The following GDAP1 variants were observed in gnomAD, a reference collection of about 807,000 sequenced individuals.
The protein encoded by GDAP1 is ganglioside-induced differentiation-associated protein 1.
In GDAP1, 34 loss-of-function variants were observed where a neutral mutation model predicts 40.1. The ratio of observed to expected loss-of-function variants is 0.85; its 90% CI spans 0.64 to 1.13. GDAP1 has a LOEUF of 1.13. GDAP1 is among the 50% of genes most tolerant of loss of function. The pLI, the probability that GDAP1 is intolerant of heterozygous loss-of-function variation, is 0.00. For missense variants in GDAP1, 374 were observed against 433.7 expected (o/e 0.86, Z 1.22); for synonymous variants, 170 against 157.4 (o/e 1.08, Z -0.60).
rs1167735429 is a variant in GDAP1, at chr8:74,457,969, TATG to T, written c.166-30706_166-30704del. On this transcript the variant is annotated intron_variant, in intron 2 of 2. Coordinates refer to the GDAP1 transcript ENST00000523640. ...GAAGTAGTGTACTACTTATATGACT[TATG>T]ATAATTCTTTCTTCAAATGATAACA... 2.0e-5 allele frequency among the ~76,000 whole-genome samples: 3 copies of T among 152,170 alleles called. 1 individual carries two copies. The highest frequency in any genetic ancestry group is 2.9e-5 in the Non-Finnish European group (2 of 68,012).
At chr8:74,355,794 C>A (rs183911465) in intron 2 of GDAP1, among the ~76,000 whole-genome samples, 2 of 152,086 alleles carry the variant, frequency 1.3e-5, no homozygotes, top group Non-Finnish European at 2.9e-5. Flanking sequence ...TGTAACAGTT[C>A]TCTGAACATC....
chr8:74,417,395 A>G (rs1258617091), intron 2 of GDAP1, among the ~76,000 whole-genome samples: 1 of 150,104 alleles, frequency 6.7e-6, no homozygotes, highest in African/African-American at 2.5e-5. Context: ...GTAATATGGC[A>G]AGAAAAGAAT....
intron 2 of GDAP1, among the ~76,000 whole-genome samples, chr8:74,393,370 AG>A (rs1447530278): frequency 6.6e-6 from 1 of 152,106 alleles, no homozygotes; most frequent in African/African-American, 2.4e-5. Flanking sequence ...TTGCTGGGTG[AG>A]CTCAGTAAGT....
intron 2 of GDAP1, among the ~76,000 whole-genome samples, chr8:74,406,831 A>C (rs920890508): frequency 2.0e-5 from 3 of 149,980 alleles, no homozygotes; most frequent in Non-Finnish European, 4.4e-5. Flanking sequence ...CCCAGAAATT[A>C]ACTTAACATG....
intron 2 of GDAP1, among the ~76,000 whole-genome samples, chr8:74,478,362 G>A (rs956080738): frequency 6.6e-6 from 1 of 152,140 alleles, no homozygotes; most frequent in African/African-American, 2.4e-5. Flanking sequence ...AAAGTGGCAG[G>A]TGGGAGGCTG....
At chr8:74,356,830 T>C (rs1196481706) in intron 2 of GDAP1, among the ~76,000 whole-genome samples, 1 of 150,682 alleles carries the variant, frequency 6.6e-6, no homozygotes, top group East Asian at 2.0e-4. Flanking sequence ...TTCCCCTGCC[T>C]CAGCCTCCCG....
chr8:74,385,650 T>C (rs1810015038), intron 2 of GDAP1, among the ~76,000 whole-genome samples: 1 of 152,234 alleles, frequency 6.6e-6, no homozygotes, highest in Non-Finnish European at 1.5e-5. Context: ...CGTGTGCATG[T>C]GTCTTTATAG....
chr8:74,426,293 A>G (rs1023791919), intron 2 of GDAP1, among the ~76,000 whole-genome samples: 3 of 152,212 alleles, frequency 2.0e-5, no homozygotes, highest in South Asian at 2.1e-4. Context: ...CATTCATACA[A>G]TATAGTACTG....
intron 2 of GDAP1, among the ~76,000 whole-genome samples, chr8:74,475,957 G>C (rs559392841): frequency 9.2e-5 from 14 of 152,242 alleles, no homozygotes; most frequent in African/African-American, 2.6e-4. Context: ...TCATGAATTT[G>C]GGTGCTTCTG....
At chr8:74,442,489 A>C (rs886674852) in intron 2 of GDAP1, among the ~76,000 whole-genome samples, 7 of 152,226 alleles carry the variant, frequency 4.6e-5, no homozygotes, top group Admixed American at 2.0e-4. Flanking sequence ...TTAAGGTCCC[A>C]AATCTTTTAC....
intron 2 of GDAP1, among the ~76,000 whole-genome samples, chr8:74,425,237 A>G (rs1055411691): frequency 2.0e-5 from 3 of 152,226 alleles, no homozygotes; most frequent in Non-Finnish European, 4.4e-5. Flanking sequence ...TGGCCTCTGA[A>G]TGGTGCTGTT....
chr8:74,443,725 C>T (rs899706411), intron 2 of GDAP1, among the ~76,000 whole-genome samples: 7 of 152,134 alleles, frequency 4.6e-5, no homozygotes, highest in African/African-American at 1.2e-4. Flanking sequence ...GGTTCAAGAC[C>T]GTGAGTGACC....
At chr8:74,437,970 G>C (rs780612856) in intron 2 of GDAP1, among the ~76,000 whole-genome samples, 4 of 152,090 alleles carry the variant, frequency 2.6e-5, no homozygotes, top group Non-Finnish European at 4.4e-5. Context: ...GTGGTATGTA[G>C]GAATAGAAGG....
chr8:74,395,760 A>C lies in GDAP1; in HGVS notation c.165+44439A>C, dbSNP rs535603447. Among the ~76,000 whole-genome samples the C allele has an allele frequency of 7.2e-5, 11 of 152,296 alleles. No individual in the cohort carries two copies. In the South Asian group the frequency reaches 2.3e-3, roughly 32 times the overall value. On this transcript the variant is annotated intron_variant, in intron 2 of 2. Transcript: ENST00000523640. ...AACACCTGTATCTGTATCTCTAGTC[A>C]TTTGGTTTTAGGCTTAATGGAAGTT...
intron 2 of GDAP1, among the ~76,000 whole-genome samples, chr8:74,432,952 T>A (rs1806045599): frequency 6.6e-6 from 1 of 152,344 alleles, no homozygotes; most frequent in African/African-American, 2.4e-5. Flanking sequence ...ATCTGGCTCC[T>A]TCCAGCTTTT....
chr8:74,470,330 G>A (rs2131583853), intron 2 of GDAP1, among the ~76,000 whole-genome samples: 1 of 152,244 alleles, frequency 6.6e-6, no homozygotes, highest in South Asian at 2.1e-4. Context: ...GTATACATGT[G>A]CCATGTTGGT....
At chr8:74,466,935 G>C (rs1295032539) in intron 2 of GDAP1, among the ~76,000 whole-genome samples, 17 of 152,162 alleles carry the variant, frequency 1.1e-4, no homozygotes, top group Admixed American at 1.1e-3. Context: ...AGATGCTGCT[G>C]CTGAAAGGGA....
At chr8:74,425,123 A>G (rs1185137679) in intron 2 of GDAP1, among the ~76,000 whole-genome samples, 1 of 152,162 alleles carries the variant, frequency 6.6e-6, no homozygotes, top group Non-Finnish European at 1.5e-5. Context: ...CTTAAGAGGA[A>G]TTCTATGCTT....
rs1033872129 is a variant in GDAP1, at chr8:74,365,890, G to A, written c.*1523G>A. 6 of 454,156 alleles carry A rather than the reference G, an allele frequency of 1.3e-5. No individual in the cohort carries two copies. The highest frequency in any genetic ancestry group is 2.6e-5 in the Non-Finnish European group (6 of 226,780). The allele number at this position is 454,156 out of a possible 1,614,324, so 28.1% of individuals were successfully genotyped here. ...TTGCACATGAGTGTGTTGTCATATG[G>A]AGTGTCTGAATCTGTTGCTGGGACA... On this transcript the variant is annotated 3_prime_UTR_variant, in exon 6 of 6. Coordinates refer to ENST00000220822, the MANE Select transcript of GDAP1 (RefSeq NM_018972.4).
Sources: gnomAD v4.1 joint callset for allele counts (sites outside exome capture counted in the v4.1 genomes callset) on GRCh38, gnomAD v4.1.1 for gene constraint, MANE v1.5 for transcripts, NCBI Gene and HGNC (gene_info 2026-07-23, HGNC 2026-07-21) for gene names.